GSTA1: variants seen among roughly 807,000 people sequenced by gnomAD.
GSTA1 encodes the protein glutathione S-transferase alpha 1.
Under a neutral mutation model 21.5 loss-of-function variants are expected in GSTA1, and 23 were observed. The observed-to-expected ratio is 1.07, with a 90% CI of 0.77 to 1.52. The LOEUF is 1.52. GSTA1 is among the 40% of genes most tolerant of loss of function. GSTA1 has a pLI of 0.00. For missense variants in GSTA1, 301 were observed against 264.2 expected, an observed-to-expected ratio of 1.14 and a Z score of -0.96; for synonymous variants, 125 against 90.0, an observed-to-expected ratio of 1.39 and a Z score of -2.20.
intron 2 of GSTA1, 137 bp from the exon 3 acceptor site, chr6:52,797,774 A>G: frequency 4.3e-6 from 3 of 702,608 alleles, no homozygotes; most frequent in Non-Finnish European, 7.4e-6. Context: ...GGGGCTGGTC[A>G]TGGCCATTTG....
chr6:52,797,477 C>T (rs1467804930), intron 3 of GSTA1, 109 bp downstream of exon 3: 7 of 761,020 alleles, frequency 9.2e-6, no homozygotes, highest in Admixed American at 4.2e-5. Flanking sequence ...CCCTCTGCAC[C>T]ATGTACAAAT....
rs1334490764 is a variant in GSTA1 at position 52,792,102 on chromosome 6, T to C, written c.547-122A>G. 23 of 1,399,082 alleles carry C rather than the reference T, an allele frequency of 1.6e-5. No individual in the cohort carries two copies. The Admixed American group carries it at 4.5e-4, about 27-fold the overall frequency. The allele number at this position is 1,399,082 out of a possible 1,614,324, so 86.7% of individuals were successfully genotyped here. A position where few individuals can be genotyped will look rare whatever the true frequency, so the allele number is the denominator to read the frequency against. ...TGAGTCTGCTCCATCAGCACAAGCA[T>C]GGAGGCAGAAACAGACACCCAGTGA... On this transcript the variant is annotated intron_variant, in intron 6 of 6. Transcript: ENST00000334575.
At chr6:52,793,017 C>G in intron 5 of GSTA1, 30 bp from the exon 6 acceptor site, 2 of 1,613,848 alleles carry the variant, frequency 1.2e-6, no homozygotes, top group South Asian at 1.1e-5. Context: ...AGATCAGGAA[C>G]ACATGCACAC....
At position 52,792,931 on chromosome 6, in the gene GSTA1, G is replaced by A. The variant is rs1763493630; in HGVS notation, c.471C>T (p.Asp157=). Reference sequence around the variant, plus strand: ...AGTAGAGAAGTTCCACCAGATGAATGTCAGCCCGGCTCAGCTTGTTGCCAA... The same window carrying A: ...AGTAGAGAAGTTCCACCAGATGAATATCAGCCCGGCTCAGCTTGTTGCCAA... ...YLVGNKLSRA[D]IHLVELLYYV... Residue 157 remains aspartate (D), a synonymous_variant, in exon 6 of 7, where the codon GAC becomes GAT. Coordinates refer to ENST00000334575, the MANE Select transcript of GSTA1 (RefSeq NM_145740.5). 7 of 1,614,138 alleles carry A rather than the reference G, an allele frequency of 4.3e-6. No individual in the cohort carries two copies. Among genetic ancestry groups the A allele is most frequent in the East Asian group, 2.2e-5 (1 of 44,868 alleles).
rs1763584043 is a variant in GSTA1 at position 52,796,406 on chromosome 6, A to G, written c.140-92T>C. 3 of 1,544,172 alleles carry G rather than the reference A, an allele frequency of 1.9e-6. No homozygotes were observed. In the South Asian group the frequency reaches 3.6e-5, roughly 19 times the overall value. On this transcript the variant is annotated intron_variant, in intron 3 of 6. Transcript: ENST00000334575. ...TGGTTGTGGAAATGACTAAATTTGT[A>G]AAATGGCAAAGAAATTACTGCCTGG...
intron 4 of GSTA1, among the ~76,000 whole-genome samples, chr6:52,795,924 T>G (rs572046404): frequency 1.1e-4 from 16 of 152,240 alleles, no homozygotes; most frequent in Admixed American, 5.2e-4. Context: ...CAGTTCATGG[T>G]TCATCCGTGT....
chr6:52,797,677 T>G, intron 2 of GSTA1, 40 bp from the exon 3 acceptor site: 1 of 1,540,608 alleles, frequency 6.5e-7, no homozygotes, highest in Non-Finnish European at 9.0e-7. Flanking sequence ...GTTAGTTCAT[T>G]CTATTATAGA....
intron 4 of GSTA1, 31 bp from the exon 5 acceptor site, chr6:52,794,297 T>A: frequency 1.3e-6 from 2 of 1,594,146 alleles, no homozygotes; most frequent in Middle Eastern, 1.7e-4. Context: ...AATGGTCAAA[T>A]ACCTTTTGCC....
At chr6:52,799,045 C>T in intron 2 of GSTA1, 136 bp downstream of exon 2, 1 of 800,582 alleles carries the variant, frequency 1.2e-6, no homozygotes, top group Non-Finnish European at 2.1e-6. Context: ...CAAATCTGTT[C>T]ATCTTTTTCT....
At chr6:52,797,527 C>T (rs1012051277) in intron 3 of GSTA1, 59 bp downstream of exon 3, 1 of 1,359,620 alleles carries the variant, frequency 7.4e-7, no homozygotes, top group Non-Finnish European at 1.1e-6. Context: ...GCTGCGCAAA[C>T]CTCCCCGTGT....
At chr6:52,792,616 G>A (rs1763483911) in intron 6 of GSTA1, 2 of 923,518 alleles carry the variant, frequency 2.2e-6, no homozygotes, top group South Asian at 3.5e-5. Flanking sequence ...TGGGCCCTGG[G>A]TTCTTTCCAT....
chr6:52,801,495 G>A (rs746049796), intron 1 of GSTA1, among the ~76,000 whole-genome samples: 1 of 152,212 alleles, frequency 6.6e-6, no homozygotes, highest in Non-Finnish European at 1.5e-5. Flanking sequence ...AGTTCACAGT[G>A]TTGTAATTCC....
chr6:52,791,953 G>C lies in GSTA1; in HGVS notation c.574C>G (p.Pro192Ala), dbSNP rs912220475. 6.2e-7 allele frequency: 1 copy of C among 1,613,806 alleles called. No homozygotes were observed. Among genetic ancestry groups the C allele is most frequent in the African/African-American group, 1.3e-5 (1 of 74,890 alleles). ...KALKTRISNLPTVKKFLQPGS... is the reference protein window; with the variant it reads ...KALKTRISNLATVKKFLQPGS... ...GGCTGTAGAAACTTCTTCACTGTGG[G>C]CAGGTTGCTGATTCTGGTTTTCAGG... is the stretch of plus-strand genomic sequence containing the variant. Residue 192 changes from proline (P) to alanine (A), a missense_variant, in exon 7 of 7, where the codon CCC becomes GCC. Pro to Ala is a conservative substitution (Grantham distance 27). Coordinates refer to ENST00000334575, the MANE Select transcript of GSTA1 (RefSeq NM_145740.5).
intron 1 of GSTA1, among the ~76,000 whole-genome samples, chr6:52,800,302 A>G (rs911477925): frequency 6.6e-6 from 1 of 152,186 alleles, no homozygotes; most frequent in Non-Finnish European, 1.5e-5. Context: ...CGGGATGCAG[A>G]CTCACTGCTG....
intron 1 of GSTA1, among the ~76,000 whole-genome samples, 188 bp from the exon 2 acceptor site, chr6:52,799,485 G>A (rs1269010365): frequency 1.3e-5 from 2 of 152,166 alleles, no homozygotes; most frequent in African/African-American, 4.8e-5. Flanking sequence ...TCAGATTCCA[G>A]CAAACCAGTC....
chr6:52,802,034 A>G lies in GSTA1; in HGVS notation c.-31+1751T>C, dbSNP rs555727584. On this transcript the variant is annotated intron_variant, in intron 1 of 6. Transcript: ENST00000334575. ...GCCAAATAAATGTTGGAAGGAGAGG[A>G]CGAGAGGGGAACATCTAATTCCTGA... 1.0e-3 allele frequency among the ~76,000 whole-genome samples: 157 copies of G among 152,254 alleles called. 1 individual carries two copies. Among genetic ancestry groups the G allele is most frequent in the African/African-American group, 3.4e-3 (142 of 41,552 alleles).
intron 1 of GSTA1, among the ~76,000 whole-genome samples, chr6:52,802,252 G>A (rs1374494427): frequency 5.3e-5 from 8 of 152,098 alleles, no homozygotes. Flanking sequence ...CATAATTCCA[G>A]GAGTAAATTA....
rs372674752 is a variant in GSTA1 at position 52,799,241 on chromosome 6, G to A, written c.27C>T (p.Tyr9=). ...ACTCCATTCTGCCCCGTGCATTGAA[G>A]TAGTGGAGCTTGGGCTTCTCTGCCA... MAEKPKLH[Y]FNARGRMEST... is the part of the protein sequence containing the mutation. Residue 9 remains tyrosine (Y), a synonymous_variant, in exon 2 of 7, where the codon TAC becomes TAT. Coordinates refer to ENST00000334575, the MANE Select transcript of GSTA1 (RefSeq NM_145740.5). 6 of 1,613,842 alleles carry A rather than the reference G, an allele frequency of 3.7e-6. No individual in the cohort carries two copies. Among genetic ancestry groups the A allele is most frequent in the South Asian group, 1.1e-5 (1 of 91,074 alleles).
rs760717947 is a variant in GSTA1 at position 52,796,250 on chromosome 6, G to C, written c.204C>G (p.Thr68=). 1.2e-6 allele frequency: 2 copies of C among 1,613,542 alleles called. No homozygotes were observed. The highest frequency in any genetic ancestry group is 1.7e-5 in the Admixed American group (1 of 59,928). The part of the protein sequence containing the change: ...VEIDGMKLVQ[T]RAILNYIASK... ...TGGCAATGTAGTTGAGAATGGCTCT[G>C]GTCTGCACCAGCTTCATCCCATCAA... is the stretch of plus-strand genomic sequence containing the variant. Residue 68 remains threonine (T), a synonymous_variant, in exon 4 of 7, where the codon ACC becomes ACG. Transcript: ENST00000334575.
Sources: allele counts gnomAD v4.1 joint callset (sites outside exome capture counted in the v4.1 genomes callset), GRCh38; gene constraint gnomAD v4.1.1; transcripts MANE v1.5; gene names NCBI Gene and HGNC (gene_info 2026-07-23, HGNC 2026-07-21).